Variants in ZBTB5 observed in about 807,000 individuals in gnomAD.
ZBTB5 encodes zinc finger and BTB domain-containing protein 5.
ZBTB5 carries 15 observed loss-of-function variants against 37.9 expected under a neutral mutation model. The ratio of observed to expected loss-of-function variants is 0.40; its 90% CI spans 0.26 to 0.61. The LOEUF is 0.61. ZBTB5 is among the 20% of genes least tolerant of loss of function. The pLI, the probability that ZBTB5 is intolerant of heterozygous loss-of-function variation, is 0.47. For missense variants in ZBTB5, 708 were observed against 856.8 expected (o/e 0.83, Z 2.17); for synonymous variants, 315 against 312.4 (o/e 1.01, Z -0.09).
intron 1 of ZBTB5, among the ~76,000 whole-genome samples, chr9:37,452,936 G>A (rs551512109): frequency 6.6e-6 from 1 of 152,298 alleles, no homozygotes; most frequent in Non-Finnish European, 1.5e-5. Context: ...GCACAGAACC[G>A]GTAATAGGGA....
intron 1 of ZBTB5, among the ~76,000 whole-genome samples, chr9:37,461,525 C>T (rs1824293108): frequency 6.6e-6 from 1 of 152,168 alleles, no homozygotes. Context: ...GTCAGGAGTT[C>T]AAGACCAGCC....
At position 37,440,427 on chromosome 9, in the gene ZBTB5, C is replaced by G. The variant is rs553513279; in HGVS notation, c.*91G>C. 9.1e-7 allele frequency: 1 copy of G among 1,101,066 alleles called. No individual in the cohort carries two copies. Among genetic ancestry groups the G allele is most frequent in the African/African-American group, 1.6e-5 (1 of 63,968 alleles). The allele number at this position is 1,101,066 out of a possible 1,614,324, so 68.2% of individuals were successfully genotyped here. ...AAACTGTTTAAGAGCCACTGGGCAG[C>G]TGGAAGCCTCGAACCCAAAGGCATT... On this transcript the variant is annotated 3_prime_UTR_variant, in exon 2 of 2. Transcript: ENST00000307750.
intron 1 of ZBTB5, among the ~76,000 whole-genome samples, chr9:37,456,271 C>T (rs1824186900): frequency 6.6e-6 from 1 of 152,140 alleles, no homozygotes; most frequent in African/African-American, 2.4e-5. Flanking sequence ...GGAATTTTGA[C>T]AGGGCTCCAA....
intron 1 of ZBTB5, among the ~76,000 whole-genome samples, chr9:37,460,687 G>A (rs879850365): frequency 4.6e-5 from 7 of 151,738 alleles, no homozygotes; most frequent in Admixed American, 2.0e-4. Flanking sequence ...AAAACATAGG[G>A]AGACCCCCAC....
In ZBTB5 at chr9:37,439,679, T is replaced by G. The variant is rs1048534995; in HGVS notation, c.*839A>C. The G allele has an allele frequency of 2.0e-5, 3 of 152,110 alleles. No individual in the cohort carries two copies. Among genetic ancestry groups the G allele is most frequent in the African/African-American group, 7.2e-5 (3 of 41,392 alleles). 9.4% of individuals were successfully genotyped at this position (152,110 alleles called of 1,614,324 possible). A position where few individuals can be genotyped will look rare whatever the true frequency, so the allele number is the denominator to read the frequency against. ...CATGGAAGACCCCACAAAACATGACTCCACATCAGCAGAACAAAGACAAAC... is the reference window on the plus strand; with the variant it reads ...CATGGAAGACCCCACAAAACATGACGCCACATCAGCAGAACAAAGACAAAC... On this transcript the variant is annotated 3_prime_UTR_variant, in exon 2 of 2. Transcript: ENST00000307750.
rs771540455 is a variant in ZBTB5 at position 37,441,517 on chromosome 9, A to G, written c.1035T>C (p.Asp345=). Residue 345 remains aspartate (D), a synonymous_variant, in exon 2 of 2, where the codon GAT becomes GAC. Transcript: ENST00000307750. The part of the protein sequence containing the change: ...SSPEPQDEVS[D]VTSQAEGSES... ...CGCTGCCTTCTGCTTGTGAGGTCAC[A>G]TCGCTCACTTCATCCTGAGGCTCAG... 10 of 1,612,888 alleles carry G rather than the reference A, an allele frequency of 6.2e-6. No homozygotes were observed. The East Asian group carries it at 6.7e-5, about 11-fold the overall frequency.
Position 37,438,891 on chromosome 9 carries a change from C to T in ZBTB5, c.*1627G>A, listed in dbSNP as rs1457517689. ...GGGCTTTTCTTCCTGGGAATCAGTCCATGGGAGATGCCAAGCGCCCCTGGA... is the reference window on the plus strand; with the variant it reads ...GGGCTTTTCTTCCTGGGAATCAGTCTATGGGAGATGCCAAGCGCCCCTGGA... On this transcript the variant is annotated 3_prime_UTR_variant, in exon 2 of 2. Coordinates refer to ENST00000307750, the MANE Select transcript of ZBTB5 (RefSeq NM_014872.3). The T allele has an allele frequency of 6.6e-6, 1 of 152,178 alleles. No homozygotes were observed. Among genetic ancestry groups the T allele is most frequent in the Non-Finnish European group, 1.5e-5 (1 of 68,032 alleles). 9.4% of individuals were successfully genotyped at this position (152,178 alleles called of 1,614,324 possible).
At position 37,440,659 on chromosome 9, in the gene ZBTB5, G is replaced by A. The variant is rs374732802; in HGVS notation, c.1893C>T (p.His631=). Residue 631 remains histidine (H), a synonymous_variant, in exon 2 of 2, where the codon CAC becomes CAT. Transcript: ENST00000307750. The stretch of plus-strand genomic sequence containing the variant: ...GCTTTTCACCTGTGTGAACACGGAT[G>A]TGCTTCTTGCAATCTGTCAAAGTCA... ...TFLTLTDCKK[H]IRVHTGEKPY... The A allele has an allele frequency of 1.9e-6, 3 of 1,614,142 alleles. No homozygotes were observed. In the African/African-American group the frequency reaches 4.0e-5, roughly 22 times the overall value.
At chr9:37,458,577 A>T (rs1824233338) in intron 1 of ZBTB5, among the ~76,000 whole-genome samples, 2 of 152,378 alleles carry the variant, frequency 1.3e-5, no homozygotes, top group South Asian at 2.1e-4. Flanking sequence ...ATTGCCAATA[A>T]AAAAGTTTGA....
At chr9:37,457,370 AC>A (rs976547024) in intron 1 of ZBTB5, among the ~76,000 whole-genome samples, 3 of 152,160 alleles carry the variant, frequency 2.0e-5, no homozygotes, top group Non-Finnish European at 4.4e-5. Flanking sequence ...AAATACTGGT[AC>A]TACAGGCACG....
chr9:37,460,977 A>C (rs148992021), intron 1 of ZBTB5, among the ~76,000 whole-genome samples: 1 of 152,374 alleles, frequency 6.6e-6, no homozygotes, highest in Non-Finnish European at 1.5e-5. Context: ...TTTCCAACAG[A>C]GAAGATGAAC....
intron 1 of ZBTB5, among the ~76,000 whole-genome samples, chr9:37,450,295 A>G (rs1418272354): frequency 6.6e-6 from 1 of 152,096 alleles, no homozygotes; most frequent in African/African-American, 2.4e-5. Context: ...TATTTACCCC[A>G]GACAACGAAG....
chr9:37,460,302 T>C (rs1824266593), intron 1 of ZBTB5, among the ~76,000 whole-genome samples: 1 of 152,088 alleles, frequency 6.6e-6, no homozygotes, highest in Non-Finnish European at 1.5e-5. Context: ...CCGGGCATGG[T>C]GGTGCATGCC....
chr9:37,457,711 A>T (rs1824217261), intron 1 of ZBTB5, among the ~76,000 whole-genome samples: 1 of 152,240 alleles, frequency 6.6e-6, no homozygotes, highest in East Asian at 1.9e-4. Flanking sequence ...AATGGTTTGG[A>T]GAAGGCAAAG....
intron 1 of ZBTB5, among the ~76,000 whole-genome samples, chr9:37,453,930 T>G (rs937336072): frequency 6.6e-6 from 1 of 151,924 alleles, no homozygotes; most frequent in African/African-American, 2.4e-5. Context: ...CAGAAGAGAG[T>G]GATACCAAAA....
chr9:37,445,958 G>A (rs1043292294), intron 1 of ZBTB5, among the ~76,000 whole-genome samples: 4 of 151,844 alleles, frequency 2.6e-5, no homozygotes, highest in Admixed American at 6.6e-5. Flanking sequence ...AAAAGTAGCC[G>A]GCCATGGTGG....
chr9:37,446,723 G>A (rs1484445619), intron 1 of ZBTB5, among the ~76,000 whole-genome samples: 1 of 152,234 alleles, frequency 6.6e-6, no homozygotes, highest in Non-Finnish European at 1.5e-5. Flanking sequence ...GACTCACTCA[G>A]GGCCCACAGA....
In ZBTB5 at chr9:37,442,463, A is replaced by G. The variant is rs577078460; in HGVS notation, c.89T>C (p.Val30Ala). Residue 30 changes from valine to alanine, a missense_variant, in exon 2 of 2, where the codon GTG becomes GCG. This residue lies in a region of ZBTB5 where 27 missense variants were observed against 58.4 expected (regional missense o/e 0.46). Coordinates refer to ENST00000307750, the MANE Select transcript of ZBTB5 (RefSeq NM_014872.3). ...GTGGGCTTTAAAGTGTCTATTCCCC[A>G]CTACAATGACACAATCACAGAGCTG... The part of the protein sequence containing the change: ...HGQLCDCVIV[V>A]GNRHFKAHRS... 1 of 1,614,106 alleles carries G rather than the reference A, an allele frequency of 6.2e-7. No homozygotes were observed. Among genetic ancestry groups the G allele is most frequent in the African/African-American group, 1.3e-5 (1 of 75,014 alleles).
At chr9:37,456,283 TCAGA>T (rs1824187172) in intron 1 of ZBTB5, among the ~76,000 whole-genome samples, 1 of 152,128 alleles carries the variant, frequency 6.6e-6, no homozygotes, top group African/African-American at 2.4e-5. Context: ...GGGCTCCAAG[TCAGA>T]CAGAGCGGAG....
Sources: gnomAD v4.1 joint callset for allele counts (sites outside exome capture counted in the v4.1 genomes callset) on GRCh38, gnomAD v4.1.1 for gene constraint, gnomAD v4.1.1 regional missense constraint, MANE v1.5 for transcripts, NCBI Gene and HGNC (gene_info 2026-07-23, HGNC 2026-07-21) for gene names.